Variants in CAMK1D observed in about 807,000 individuals in gnomAD.
CAMK1D encodes calcium/calmodulin-dependent protein kinase type 1D.
In CAMK1D, 9 loss-of-function variants were observed where a neutral mutation model predicts 47.7. The observed-to-expected ratio is 0.19, with a 90% CI of 0.11 to 0.33. The LOEUF is 0.33. Ranked by LOEUF, CAMK1D falls within the 10% of genes least tolerant of loss-of-function variation. The pLI is 1.00. For synonymous variants in CAMK1D, 184 were observed against 184.9 expected, an observed-to-expected ratio of 0.99 and a Z score of 0.04; for missense variants, 291 against 488.7, an observed-to-expected ratio of 0.60 and a Z score of 3.81.
At chr10:12,521,125 C>A (rs1369915763) in intron 1 of CAMK1D, among the ~76,000 whole-genome samples, 1 of 152,148 alleles carries the variant, frequency 6.6e-6, no homozygotes, top group African/African-American at 2.4e-5. Context: ...TCATTGATTC[C>A]TGTTCTTATC....
chr10:12,751,566 G>C (rs546361771), intron 3 of CAMK1D, among the ~76,000 whole-genome samples: 24 of 152,328 alleles, frequency 1.6e-4, no homozygotes, highest in African/African-American at 5.5e-4. Flanking sequence ...AGGAGGAGGA[G>C]CCTGACCCAG....
chr10:12,497,624 T>C, intron 1 of CAMK1D, among the ~76,000 whole-genome samples: 1 of 152,172 alleles, frequency 6.6e-6, no homozygotes, highest in East Asian at 1.9e-4. Flanking sequence ...ACTCCAACTC[T>C]AGCATATTTG....
At chr10:12,503,886 T>C (rs1834783854) in intron 1 of CAMK1D, among the ~76,000 whole-genome samples, 1 of 152,142 alleles carries the variant, frequency 6.6e-6, no homozygotes, top group Non-Finnish European at 1.5e-5. Context: ...AGGCAGGGAA[T>C]ATACCGGACT....
chr10:12,748,583 T>G (rs977607411), intron 3 of CAMK1D, among the ~76,000 whole-genome samples: 1 of 152,178 alleles, frequency 6.6e-6, no homozygotes, highest in Non-Finnish European at 1.5e-5. Context: ...GGGTCCTCAG[T>G]TGACCAGAGT....
At chr10:12,821,984 G>A (rs974818495) in intron 8 of CAMK1D, among the ~76,000 whole-genome samples, 10 of 151,908 alleles carry the variant, frequency 6.6e-5, no homozygotes, top group African/African-American at 1.4e-4. Context: ...AAAAAAAAAA[G>A]AAAACAGAAA....
intron 6 of CAMK1D, among the ~76,000 whole-genome samples, chr10:12,796,412 CT>C (rs1209867809): frequency 6.6e-6 from 1 of 152,192 alleles, no homozygotes; most frequent in Non-Finnish European, 1.5e-5. Context: ...GTCGATTTGC[CT>C]GTGCATGCAG....
chr10:12,605,056 T>G (rs1209784462), intron 2 of CAMK1D, among the ~76,000 whole-genome samples: 1 of 152,028 alleles, frequency 6.6e-6, no homozygotes, highest in Non-Finnish European at 1.5e-5. Context: ...CCTGGTTAAT[T>G]TTTTGTATCT....
intron 2 of CAMK1D, among the ~76,000 whole-genome samples, chr10:12,575,488 C>G (rs551100335): frequency 4.6e-5 from 7 of 152,296 alleles, no homozygotes; most frequent in African/African-American, 1.7e-4. Flanking sequence ...CTTGGTTTGT[C>G]TCTCACTTTA....
chr10:12,606,495 C>T (rs904807423), intron 2 of CAMK1D, among the ~76,000 whole-genome samples: 2 of 152,220 alleles, frequency 1.3e-5, no homozygotes, highest in African/African-American at 4.8e-5. Context: ...CCTCCCTGGG[C>T]AGGGCTCAGA....
chr10:12,571,735 G>A (rs1837335019), intron 2 of CAMK1D, among the ~76,000 whole-genome samples: 1 of 152,002 alleles, frequency 6.6e-6, no homozygotes, highest in Non-Finnish European at 1.5e-5. Context: ...CAAACTTAAA[G>A]CTCCGTGAAG....
intron 3 of CAMK1D, among the ~76,000 whole-genome samples, chr10:12,694,365 T>C (rs147118632): frequency 0.27 from 10,705 of 39,498 alleles, 1,557 homozygotes; most frequent in Non-Finnish European, 0.33. Context: ...TGTTATATGT[T>C]ATATATAAAA....
intron 2 of CAMK1D, among the ~76,000 whole-genome samples, chr10:12,594,883 G>A (rs1038349747): frequency 1.3e-5 from 2 of 152,182 alleles, no homozygotes; most frequent in African/African-American, 4.8e-5. Flanking sequence ...GGCCCAGGCT[G>A]CAGGAAGGAA....
At chr10:12,366,412 T>C (rs969794838) in intron 1 of CAMK1D, among the ~76,000 whole-genome samples, 4 of 152,060 alleles carry the variant, frequency 2.6e-5, no homozygotes, top group African/African-American at 7.2e-5. Flanking sequence ...CCTAGCACTT[T>C]GGCAGGCCAA....
chr10:12,538,413 G>T (rs10795959), intron 1 of CAMK1D, among the ~76,000 whole-genome samples: 9,210 of 152,206 alleles, frequency 0.061, 380 homozygotes, highest in East Asian at 0.12. Flanking sequence ...TTTTGCTGCT[G>T]CTTGTGAGAT....
At chr10:12,573,495 C>T (rs984075195) in intron 2 of CAMK1D, among the ~76,000 whole-genome samples, 2 of 152,334 alleles carry the variant, frequency 1.3e-5, no homozygotes, top group Middle Eastern at 3.4e-3. Flanking sequence ...AAATGGAGCA[C>T]ACACTTATTG....
intron 1 of CAMK1D, among the ~76,000 whole-genome samples, chr10:12,530,277 A>G (rs930869173): frequency 1.3e-5 from 2 of 152,144 alleles, no homozygotes; most frequent in African/African-American, 4.8e-5. Context: ...GGGGGGCCCT[A>G]GGCAGGCTGA....
chr10:12,375,784 A>G (rs1214974718), intron 1 of CAMK1D, among the ~76,000 whole-genome samples: 5 of 151,970 alleles, frequency 3.3e-5, no homozygotes, highest in East Asian at 1.9e-4. Context: ...AGCAGTGTGT[A>G]TTTGGCGTTT....
intron 4 of CAMK1D, among the ~76,000 whole-genome samples, chr10:12,768,872 T>A (rs1029308203): frequency 6.6e-6 from 1 of 152,190 alleles, no homozygotes; most frequent in Non-Finnish European, 1.5e-5. Flanking sequence ...CAAATGATAC[T>A]TCACTGGTTC....
chr10:12,499,466 C>T (rs557203598), intron 1 of CAMK1D, among the ~76,000 whole-genome samples: 1 of 152,140 alleles, frequency 6.6e-6, no homozygotes, highest in Non-Finnish European at 1.5e-5. Context: ...GTGTCAGAAC[C>T]GAAGGCAGAA....
Sources: gnomAD v4.1 joint callset for allele counts (sites outside exome capture counted in the v4.1 genomes callset) on GRCh38, gnomAD v4.1.1 for gene constraint, MANE v1.5 for transcripts, NCBI Gene and HGNC (gene_info 2026-07-23, HGNC 2026-07-21) for gene names.